Variants in NBEA observed in about 807,000 individuals in gnomAD.
The protein encoded by NBEA is neurobeachin.
NBEA carries 44 observed loss-of-function variants against 343.4 expected under a neutral mutation model. The observed-to-expected ratio is 0.13, with a 90% CI of 0.10 to 0.16. NBEA has a LOEUF of 0.16. NBEA is among the 10% of genes least tolerant of loss of function. The probability of loss-of-function intolerance (pLI) is 1.00; values close to 1 mark genes in which losing one functional copy is unlikely to be tolerated. For synonymous variants in NBEA, 1,175 were observed against 1,238.7 expected (o/e 0.95, Z 1.08); for missense variants, 2,555 against 3,631.3 (o/e 0.70, Z 7.62).
Position 35,065,351 on chromosome 13 carries a change from G to A in NBEA, c.1240-4557G>A, listed in dbSNP as rs1316864759. ...AATGTAGTATCTTCTCCATTACAAG[G>A]CACTTAGTCTTGTTAGATGTTCAAA... On this transcript the variant is annotated intron_variant, in intron 8 of 58. Transcript: ENST00000379939. Among the ~76,000 whole-genome samples the A allele has an allele frequency of 2.6e-5, 4 of 151,694 alleles. No homozygotes were observed. In the South Asian group the frequency reaches 8.4e-4, roughly 32 times the overall value.
intron 48 of NBEA, among the ~76,000 whole-genome samples, chr13:35,607,328 T>G (rs1293078203): frequency 6.6e-6 from 1 of 152,150 alleles, no homozygotes; most frequent in Non-Finnish European, 1.5e-5. Context: ...GAAGAAAACA[T>G]CATTATTTTA....
At chr13:35,439,300 A>G (rs555908432) in intron 39 of NBEA, among the ~76,000 whole-genome samples, 78 of 152,342 alleles carry the variant, frequency 5.1e-4, no homozygotes, top group African/African-American at 1.8e-3. Flanking sequence ...AACAGTTATC[A>G]TAGAGGGATG....
At chr13:35,404,355 G>A (rs9530539) in intron 38 of NBEA, among the ~76,000 whole-genome samples, 143,520 of 150,200 alleles carry the variant, frequency 0.96, 68,925 homozygotes, top group East Asian at 1. Flanking sequence ...AACCAACCCA[G>A]ATGTCCAACA....
intron 15 of NBEA, 32 bp from the exon 16 acceptor site, chr13:35,118,345 A>C (rs1225061896): frequency 6.3e-7 from 1 of 1,579,736 alleles, no homozygotes; most frequent in Non-Finnish European, 8.6e-7. Flanking sequence ...CTTTAGAGTA[A>C]AATTTTAAAT....
intron 41 of NBEA, among the ~76,000 whole-genome samples, chr13:35,517,926 A>C (rs1024208516): frequency 6.6e-6 from 1 of 152,214 alleles, no homozygotes; most frequent in Admixed American, 6.5e-5. Flanking sequence ...AGTCTCAATC[A>C]AGTATTTTTA....
At chr13:35,648,370 A>G (rs1431259905) in intron 51 of NBEA, among the ~76,000 whole-genome samples, 2 of 151,848 alleles carry the variant, frequency 1.3e-5, no homozygotes, top group African/African-American at 4.8e-5. Context: ...AGACATAGAG[A>G]TGTGGCCTCG....
intron 1 of NBEA, among the ~76,000 whole-genome samples, chr13:34,951,922 C>G (rs138168817): frequency 3.9e-5 from 6 of 152,338 alleles, no homozygotes; most frequent in Non-Finnish European, 5.9e-5. Context: ...ATTTTAGAAA[C>G]TAACATTAGC....
chr13:35,228,730 G>C (rs2074807150), intron 33 of NBEA, among the ~76,000 whole-genome samples: 1 of 151,952 alleles, frequency 6.6e-6, no homozygotes, highest in Non-Finnish European at 1.5e-5. Flanking sequence ...TTACTATTAA[G>C]AAAAATAGCC....
In NBEA at chr13:35,616,326, A is replaced by G. The variant is rs546768540; in HGVS notation, c.7449+9748A>G. On this transcript the variant is annotated intron_variant, in intron 48 of 58. Transcript: ENST00000379939. ...AGTAGAATAATACTGTTTCTACTGC[A>G]ATATATATTCCAATCACCAAATTAT... Among the ~76,000 whole-genome samples, 53 of 152,306 alleles carry G rather than the reference A, an allele frequency of 3.5e-4. No individual in the cohort carries two copies. The South Asian group carries it at 5.6e-3, about 16-fold the overall frequency.
At chr13:35,143,892 AAAAAAAAAAAC>A (rs1025459513) in intron 18 of NBEA, among the ~76,000 whole-genome samples, 69 of 142,982 alleles carry the variant, frequency 4.8e-4, no homozygotes, top group African/African-American at 1.7e-3. Flanking sequence ...TGTCCCCTTC[AAAAAAAAAAAC>A]AAAAAAAAAA....
chr13:34,959,930 A>T (rs897830839), intron 1 of NBEA, among the ~76,000 whole-genome samples: 1 of 152,256 alleles, frequency 6.6e-6, no homozygotes. Flanking sequence ...ATAAGCAGCT[A>T]TGTTACTGGT....
chr13:35,325,483 G>A (rs2038485656), intron 36 of NBEA, among the ~76,000 whole-genome samples: 1 of 151,790 alleles, frequency 6.6e-6, no homozygotes, highest in Admixed American at 6.6e-5. Flanking sequence ...AGAAGAGGAG[G>A]TAATGCTTTA....
chr13:35,474,198 A>T (rs1283166760), intron 41 of NBEA: 3 of 152,592 alleles, frequency 2.0e-5, no homozygotes, highest in Non-Finnish European at 4.4e-5. Flanking sequence ...GTGAGACACA[A>T]CAACTTTTAT....
chr13:35,508,556 A>G (rs912108827), intron 41 of NBEA, among the ~76,000 whole-genome samples: 1 of 152,176 alleles, frequency 6.6e-6, no homozygotes, highest in Admixed American at 6.5e-5. Flanking sequence ...AGTAAAGTGG[A>G]TAACATTTGT....
chr13:34,961,495 T>C (rs2059660736), intron 1 of NBEA, among the ~76,000 whole-genome samples: 1 of 152,062 alleles, frequency 6.6e-6, no homozygotes, highest in Non-Finnish European at 1.5e-5. Flanking sequence ...CGCACCCCCA[T>C]ATAAATACCA....
intron 58 of NBEA, among the ~76,000 whole-genome samples, chr13:35,670,620 T>C (rs1364421096): frequency 6.6e-6 from 1 of 152,142 alleles, no homozygotes; most frequent in Non-Finnish European, 1.5e-5. Context: ...CTGAGAGAAA[T>C]GGGGCACCCA....
At chr13:35,652,580 G>C (rs2084588951) in intron 53 of NBEA, among the ~76,000 whole-genome samples, 1 of 146,952 alleles carries the variant, frequency 6.8e-6, no homozygotes, top group Non-Finnish European at 1.5e-5. Context: ...GGCGGAGCTT[G>C]CAGTGAGCCA....
chr13:35,040,296 T>C (rs1283485283), intron 1 of NBEA, among the ~76,000 whole-genome samples: 2 of 152,154 alleles, frequency 1.3e-5, no homozygotes, highest in African/African-American at 2.4e-5. Flanking sequence ...AGTATGACTT[T>C]GGACTCATTT....
intron 34 of NBEA, among the ~76,000 whole-genome samples, chr13:35,234,067 T>C (rs948297296): frequency 6.6e-6 from 1 of 152,144 alleles, no homozygotes; most frequent in Non-Finnish European, 1.5e-5. Flanking sequence ...GTTCTTGGTA[T>C]GATCTACCAA....
Sources: allele counts gnomAD v4.1 joint callset (sites outside exome capture counted in the v4.1 genomes callset), GRCh38; gene constraint gnomAD v4.1.1; transcripts MANE v1.5; gene names NCBI Gene and HGNC (gene_info 2026-07-23, HGNC 2026-07-21).